EML6: variants seen among roughly 807,000 people sequenced by gnomAD.
EML6 encodes EMAP like 6.
Under a neutral mutation model 240.1 loss-of-function variants are expected in EML6, and 154 were observed. The observed-to-expected ratio is 0.64, with a 90% CI of 0.56 to 0.73. The LOEUF is 0.73. EML6 is among the 30% of genes least tolerant of loss of function. The pLI is 0.00. For missense variants in EML6, 2,964 were observed against 2,474.6 expected (o/e 1.20, Z -4.20); for synonymous variants, 1,148 against 899.0 (o/e 1.28, Z -4.95).
chr2:54,841,199 C>A (rs374687369), intron 7 of EML6, among the ~76,000 whole-genome samples: 2 of 152,244 alleles, frequency 1.3e-5, no homozygotes, highest in Non-Finnish European at 2.9e-5. Context: ...TGACTGCTTT[C>A]ACCATACATC....
chr2:54,954,479 A>C (rs1370130714), intron 32 of EML6, among the ~76,000 whole-genome samples: 1 of 152,122 alleles, frequency 6.6e-6, no homozygotes, highest in Non-Finnish European at 1.5e-5. Context: ...CCACCTTCCT[A>C]CCCAAGGGTC....
At chr2:54,853,067 TC>T in intron 10 of EML6, among the ~76,000 whole-genome samples, 1 of 152,348 alleles carries the variant, frequency 6.6e-6, no homozygotes, top group Non-Finnish European at 1.5e-5. Context: ...TAAATAATAT[TC>T]ACTAATTTTT....
At chr2:54,929,296 G>T (rs1344874666) in intron 28 of EML6, among the ~76,000 whole-genome samples, 3 of 152,146 alleles carry the variant, frequency 2.0e-5, no homozygotes, top group Non-Finnish European at 2.9e-5. Flanking sequence ...TATTGCCTTG[G>T]ATCCTCTATA....
At chr2:54,887,214 C>T (rs572795475) in intron 17 of EML6, among the ~76,000 whole-genome samples, 3 of 152,338 alleles carry the variant, frequency 2.0e-5, no homozygotes, top group African/African-American at 7.2e-5. Context: ...CTCCCCATCA[C>T]CACATTTTCT....
chr2:54,831,965 G>A (rs1668890112), intron 7 of EML6, among the ~76,000 whole-genome samples: 1 of 152,038 alleles, frequency 6.6e-6, no homozygotes, highest in Admixed American at 6.6e-5. Context: ...TTAAAACTTT[G>A]CTTTAAACTA....
At chr2:54,916,010 A>G (rs1408517369) in intron 25 of EML6, among the ~76,000 whole-genome samples, 1 of 152,234 alleles carries the variant, frequency 6.6e-6, no homozygotes, top group Non-Finnish European at 1.5e-5. Flanking sequence ...ACCTATACAA[A>G]TTACAAATAT....
intron 28 of EML6, among the ~76,000 whole-genome samples, chr2:54,946,333 G>A (rs926913635): frequency 3.9e-5 from 6 of 152,164 alleles, no homozygotes; most frequent in South Asian, 4.1e-4. Context: ...TGCCAATGCC[G>A]GGTTGTGCCC....
chr2:54,862,760 C>A (rs10186764), intron 12 of EML6, among the ~76,000 whole-genome samples: 64,364 of 152,100 alleles, frequency 0.42, 16,466 homozygotes, highest in African/African-American at 0.73. Context: ...TATAAGTAGT[C>A]AGGGAAAAGA....
At chr2:54,805,828 A>G (rs1366547309) in intron 2 of EML6, among the ~76,000 whole-genome samples, 1 of 152,138 alleles carries the variant, frequency 6.6e-6, no homozygotes, top group Non-Finnish European at 1.5e-5. Context: ...TTTTTTGCAT[A>G]TGGTAAAAGG....
At chr2:54,845,100 C>T (rs1374229651) in intron 8 of EML6, among the ~76,000 whole-genome samples, 3 of 152,136 alleles carry the variant, frequency 2.0e-5, no homozygotes, top group Admixed American at 1.3e-4. Flanking sequence ...CACTAGTTCC[C>T]ACCTCCCTTA....
At chr2:54,818,767 C>T (rs1668193305) in intron 4 of EML6, among the ~76,000 whole-genome samples, 1 of 152,162 alleles carries the variant, frequency 6.6e-6, no homozygotes, top group Admixed American at 6.5e-5. Context: ...AGTCTGTAAT[C>T]TTAGGATGTT....
intron 6 of EML6, among the ~76,000 whole-genome samples, chr2:54,828,840 C>T (rs966173687): frequency 6.6e-5 from 10 of 152,210 alleles, no homozygotes; most frequent in African/African-American, 2.4e-4. Context: ...GCTTAACAAG[C>T]GAACACAAGT....
intron 2 of EML6, among the ~76,000 whole-genome samples, chr2:54,794,537 C>G (rs1049691961): frequency 1.3e-5 from 2 of 152,064 alleles, no homozygotes. Flanking sequence ...CTTTCAGCAC[C>G]CCTCTGGCTT....
chr2:54,937,194 C>G (rs1027204880), intron 28 of EML6, among the ~76,000 whole-genome samples: 1 of 151,762 alleles, frequency 6.6e-6, no homozygotes, highest in East Asian at 1.9e-4. Flanking sequence ...AGGAGAATTG[C>G]TTAAACCCGG....
intron 5 of EML6, among the ~76,000 whole-genome samples, chr2:54,825,571 A>G (rs1668546834): frequency 6.6e-6 from 1 of 152,100 alleles, no homozygotes; most frequent in Non-Finnish European, 1.5e-5. Context: ...CTGCTTTATT[A>G]TTTCAACATA....
chr2:54,866,565 A>T (rs1053023376), intron 13 of EML6, among the ~76,000 whole-genome samples: 6 of 152,222 alleles, frequency 3.9e-5, no homozygotes, highest in Admixed American at 2.0e-4. Flanking sequence ...ATCAAGAAAG[A>T]TTATTTTAAA....
chr2:54,944,114 A>G (rs1411752523), intron 28 of EML6, among the ~76,000 whole-genome samples: 1 of 150,658 alleles, frequency 6.6e-6, no homozygotes, highest in Non-Finnish European at 1.5e-5. Context: ...TCTACCATCT[A>G]CCCTCTCTCT....
At chr2:54,910,851 A>T (rs1247285323) in intron 24 of EML6, 103 bp from the exon 25 acceptor site, 1 of 600,932 alleles carries the variant, frequency 1.7e-6, no homozygotes, top group East Asian at 2.8e-5. Flanking sequence ...AATTTGTGAG[A>T]CTTTGATTAA....
chr2:54,895,213 A>G (rs1323495706), intron 20 of EML6, 60 bp from the exon 21 acceptor site: 4 of 1,531,166 alleles, frequency 2.6e-6, no homozygotes, highest in Non-Finnish European at 3.5e-6. Flanking sequence ...TAAAAATTGA[A>G]TTTATACTAA....
Sources: gnomAD v4.1 joint callset for allele counts (sites outside exome capture counted in the v4.1 genomes callset) on GRCh38, gnomAD v4.1.1 for gene constraint, MANE v1.5 for transcripts, NCBI Gene and HGNC (gene_info 2026-07-23, HGNC 2026-07-21) for gene names.